The following HMGN5 variants were observed in gnomAD, a reference collection of about 807,000 sequenced individuals.
HMGN5 encodes the protein high mobility group nucleosome binding domain 5.
A neutral mutation model predicts 9.5 loss-of-function variants in HMGN5; 4 were observed. That is an observed-to-expected ratio of 0.42 (90% CI 0.21 to 0.96). HMGN5 has a LOEUF of 0.96. Ranked by LOEUF, HMGN5 falls within the 40% of genes least tolerant of loss-of-function variation. The pLI, the probability that HMGN5 is intolerant of heterozygous loss-of-function variation, is 0.30. For synonymous variants in HMGN5, 55 were observed against 57.1 expected (o/e 0.96, Z 0.16); for missense variants, 192 against 187.5 (o/e 1.02, Z -0.14).
At chrX:81,195,070 A>C (rs946354929) in intron 1 of HMGN5, 1 of 111,312 alleles carries the variant, frequency 9.0e-6, no homozygotes, top group Admixed American at 9.6e-5. Flanking sequence ...AGAACTAATA[A>C]GATAGGTGTA....
intron 1 of HMGN5, among the ~76,000 whole-genome samples, chrX:81,132,218 C>T (rs997366138): frequency 1.3e-4 from 14 of 110,816 alleles, no homozygotes; most frequent in African/African-American, 4.3e-4. Context: ...AGAGATGAAA[C>T]GAACAAATGG....
chrX:81,153,540 C>T (rs1348292518), intron 1 of HMGN5, among the ~76,000 whole-genome samples: 19 of 45,963 alleles, frequency 4.1e-4, no homozygotes, highest in Admixed American at 5.6e-4. Flanking sequence ...GGTGACAGAG[C>T]GAAACTCTGC....
intron 2 of HMGN5, among the ~76,000 whole-genome samples, chrX:81,120,362 C>CT (rs961518480): frequency 9.0e-6 from 1 of 111,376 alleles, no homozygotes; most frequent in Non-Finnish European, 1.9e-5. Flanking sequence ...GATTTTAAAA[C>CT]TTCCCGCCAC....
chrX:81,135,289 C>T (rs181994059), intron 1 of HMGN5, among the ~76,000 whole-genome samples: 8 of 111,403 alleles, frequency 7.2e-5, no homozygotes, highest in African/African-American at 2.6e-4. Context: ...AGACAAACAA[C>T]CCAATTTATA....
chrX:81,201,823 A>G lies in HMGN5; in HGVS notation c.-210T>C. On this transcript the variant is annotated 5_prime_UTR_variant, in exon 1 of 7. Coordinates refer to ENST00000358130, the MANE Select transcript of HMGN5 (RefSeq NM_030763.3). The stretch of plus-strand genomic sequence containing the variant: ...CAGTACTTTTAGTCTCCGCGTGAAA[A>G]GGTCCTTCATGCTAATCTAATTCAA... 1 of 180,385 alleles carries G rather than the reference A, an allele frequency of 5.5e-6. No homozygotes were observed. Among genetic ancestry groups the G allele is most frequent in the Non-Finnish European group, 1.0e-5 (1 of 97,196 alleles). The allele number at this position is 180,385 out of a possible 1,213,427, so 14.9% of individuals were successfully genotyped here. A position where few individuals can be genotyped will look rare whatever the true frequency, so the allele number is the denominator to read the frequency against.
chrX:81,167,491 T>A (rs1384671946), intron 1 of HMGN5, among the ~76,000 whole-genome samples: 1 of 110,790 alleles, frequency 9.0e-6, no homozygotes, highest in Non-Finnish European at 1.9e-5. Context: ...CACAAACATA[T>A]AACTGAAGCA....
chrX:81,115,661 A>C (rs2075251277), intron 6 of HMGN5, among the ~76,000 whole-genome samples: 1 of 111,998 alleles, frequency 8.9e-6, no homozygotes, highest in African/African-American at 3.2e-5. Flanking sequence ...AATTACTTGA[A>C]AAGTACTGTA....
chrX:81,148,269 G>C (rs1190383715), intron 1 of HMGN5, among the ~76,000 whole-genome samples: 1 of 111,825 alleles, frequency 8.9e-6, no homozygotes, highest in Non-Finnish European at 1.9e-5. Flanking sequence ...CATGGTACTG[G>C]TACCAAAACA....
At chrX:81,197,217 C>G (rs2075511371) in intron 1 of HMGN5, among the ~76,000 whole-genome samples, 1 of 112,118 alleles carries the variant, frequency 8.9e-6, no homozygotes, top group Non-Finnish European at 1.9e-5. Flanking sequence ...ATATGCTCGA[C>G]AGTGATTTCT....
chrX:81,155,075 GTATATATATA>G (rs761895749), intron 1 of HMGN5, among the ~76,000 whole-genome samples: 43 of 68,945 alleles, frequency 6.2e-4, no homozygotes, highest in African/African-American at 1.2e-3. Context: ...GTATATATCA[GTATATATATA>G]TATATATATA....
rs185373594 is a variant in HMGN5, at chrX:81,148,101, T to C, written c.-123-26429A>G. 2.7e-5 allele frequency among the ~76,000 whole-genome samples: 3 copies of C among 112,014 alleles called. No homozygotes were observed. In the East Asian group the frequency reaches 8.3e-4, roughly 31 times the overall value. On this transcript the variant is annotated intron_variant, in intron 1 of 6. Transcript: ENST00000358130. ...CAATGCTATCCCCATCAAGCTACCATTGACTTTCTTCACTGAACTGGAAAA... is the reference window on the plus strand; with the variant it reads ...CAATGCTATCCCCATCAAGCTACCACTGACTTTCTTCACTGAACTGGAAAA...
At position 81,114,076 on chromosome X, in the gene HMGN5, AGAGTCT is replaced by A. The variant is rs1315357051; in HGVS notation, c.*567_*572del. On this transcript the variant is annotated 3_prime_UTR_variant, in exon 7 of 7. Coordinates refer to ENST00000358130, the MANE Select transcript of HMGN5 (RefSeq NM_030763.3). ...GATATAACAAAACACAATCATCGTC[AGAGTCT>A]TTTTATTAAGATAAATCCAGTAAAA... is the stretch of plus-strand genomic sequence containing the variant. 1 of 112,223 alleles carries A rather than the reference AGAGTCT, an allele frequency of 8.9e-6. No homozygotes were observed. Among genetic ancestry groups the A allele is most frequent in the East Asian group, 2.8e-4 (1 of 3,614 alleles). 9.2% of individuals were successfully genotyped at this position (112,223 alleles called of 1,213,427 possible). A position where few individuals can be genotyped will look rare whatever the true frequency, so the allele number is the denominator to read the frequency against.
At position 81,119,507 on chromosome X, in the gene HMGN5, C is replaced by T. The variant is rs906103629; in HGVS notation, c.45+281G>A. 3.6e-5 allele frequency among the ~76,000 whole-genome samples: 4 copies of T among 111,888 alleles called. No individual in the cohort carries two copies. The Admixed American group carries it at 3.8e-4, about 11-fold the overall frequency. On this transcript the variant is annotated intron_variant, in intron 3 of 6. Transcript: ENST00000358130. ...AAATCATAGTCTAACCCACAAAACA[C>T]CCAAATAAAATATTAGCACATCTCT...
intron 1 of HMGN5, among the ~76,000 whole-genome samples, chrX:81,140,830 C>T (rs1225978528): frequency 9.0e-6 from 1 of 110,940 alleles, no homozygotes; most frequent in Admixed American, 9.5e-5. Flanking sequence ...AGCATGGCCA[C>T]GGGGGGATAG....
intron 1 of HMGN5, among the ~76,000 whole-genome samples, chrX:81,161,906 G>T (rs776380901): frequency 9.1e-6 from 1 of 109,519 alleles, no homozygotes; most frequent in African/African-American, 3.5e-5. Flanking sequence ...TTATTATAAA[G>T]AATGCAGTAC....
chrX:81,151,886 G>A (rs1475218675), intron 1 of HMGN5, among the ~76,000 whole-genome samples: 6 of 111,221 alleles, frequency 5.4e-5, no homozygotes, highest in East Asian at 2.8e-4. Context: ...CAATCATGTC[G>A]TCTGCAAACA....
At chrX:81,171,195 G>T (rs768882554) in intron 1 of HMGN5, among the ~76,000 whole-genome samples, 2 of 111,423 alleles carry the variant, frequency 1.8e-5, no homozygotes, top group Non-Finnish European at 3.8e-5. Context: ...AAACACTTTG[G>T]AGATCTGCAT....
At chrX:81,164,616 TATC>T (rs754816066) in intron 1 of HMGN5, among the ~76,000 whole-genome samples, 8 of 111,696 alleles carry the variant, frequency 7.2e-5, no homozygotes, top group Non-Finnish European at 1.3e-4. Context: ...GTTGCTCTAT[TATC>T]TATTTGTTCA....
intron 1 of HMGN5, among the ~76,000 whole-genome samples, chrX:81,184,917 C>T (rs1310697925): frequency 9.0e-6 from 1 of 111,667 alleles, no homozygotes; most frequent in Non-Finnish European, 1.9e-5. Flanking sequence ...GGCACCTTTG[C>T]TGAAAATGAG....
Sources: allele counts gnomAD v4.1 joint callset (sites outside exome capture counted in the v4.1 genomes callset), GRCh38; gene constraint gnomAD v4.1.1; transcripts MANE v1.5; gene names NCBI Gene and HGNC (gene_info 2026-07-23, HGNC 2026-07-21).